The following SSBP2 variants were observed in gnomAD, a reference collection of about 807,000 sequenced individuals.
SSBP2 encodes the protein single stranded DNA binding protein 2, also known as single-stranded DNA-binding protein 2.
SSBP2 carries 17 observed loss-of-function variants against 61.8 expected under a neutral mutation model. That is an observed-to-expected ratio of 0.28 (90% CI 0.19 to 0.41). SSBP2 has a LOEUF of 0.41. Among genes scored for constraint, SSBP2 ranks in the 10% least tolerant of loss-of-function variants. The pLI is 1.00. For synonymous variants in SSBP2, 139 were observed against 141.3 expected (o/e 0.98, Z 0.12); for missense variants, 310 against 458.7 (o/e 0.68, Z 2.96).
At chr5:81,643,151 C>G (rs892032012) in intron 2 of SSBP2, among the ~76,000 whole-genome samples, 1 of 152,152 alleles carries the variant, frequency 6.6e-6, no homozygotes, top group Admixed American at 6.5e-5. Flanking sequence ...CTGCCTCTGG[C>G]TCCAAAAGTG....
chr5:81,582,719 G>A (rs192388488), intron 4 of SSBP2, among the ~76,000 whole-genome samples: 22 of 152,084 alleles, frequency 1.4e-4, no homozygotes, highest in East Asian at 5.8e-4. Flanking sequence ...TCTGCCTCCC[G>A]AGTAGCTGGG....
At chr5:81,722,397 GTT>G (rs202149161) in intron 1 of SSBP2, among the ~76,000 whole-genome samples, 1 of 136,432 alleles carries the variant, frequency 7.3e-6, no homozygotes, top group Admixed American at 7.2e-5. Flanking sequence ...GTATAATTTT[GTT>G]TTTTTTTTTT....
chr5:81,549,847 C>T (rs577531602), intron 4 of SSBP2, among the ~76,000 whole-genome samples: 11 of 152,178 alleles, frequency 7.2e-5, no homozygotes, highest in South Asian at 4.1e-4. Context: ...GATCATTTAT[C>T]GACTGCCTGT....
At chr5:81,633,715 C>T (rs1747946715) in intron 3 of SSBP2, among the ~76,000 whole-genome samples, 1 of 152,156 alleles carries the variant, frequency 6.6e-6, no homozygotes, top group Admixed American at 6.5e-5. Flanking sequence ...AACCAGATGC[C>T]TGCTCAACAT....
At chr5:81,467,291 G>A (rs1056364287) in intron 8 of SSBP2, among the ~76,000 whole-genome samples, 1 of 151,888 alleles carries the variant, frequency 6.6e-6, no homozygotes, top group Non-Finnish European at 1.5e-5. Context: ...ATTAAGGTAT[G>A]GCTGCAATTA....
chr5:81,471,451 A>C (rs1304555491), intron 8 of SSBP2, among the ~76,000 whole-genome samples: 1 of 151,914 alleles, frequency 6.6e-6, no homozygotes, highest in East Asian at 1.9e-4. Flanking sequence ...TACAAGCACA[A>C]AGTTTTTGTG....
chr5:81,751,064 C>A lies in SSBP2; in HGVS notation c.-22G>T. 1 of 1,575,832 alleles carries A rather than the reference C, an allele frequency of 6.3e-7. No individual in the cohort carries two copies. Among genetic ancestry groups the A allele is most frequent in the Non-Finnish European group, 8.6e-7 (1 of 1,160,808 alleles). ...ACATGCTTGTGCCGAGAGCAGCTCCCACTGTCACGCACCTGTCAACCCATC... is the reference window on the plus strand; with the variant it reads ...ACATGCTTGTGCCGAGAGCAGCTCCAACTGTCACGCACCTGTCAACCCATC... On this transcript the variant is annotated 5_prime_UTR_variant, in exon 1 of 17. Coordinates refer to ENST00000320672, the MANE Select transcript of SSBP2 (RefSeq NM_012446.5).
At position 81,415,922 on chromosome 5, in the gene SSBP2, A is replaced by AAAAAAAAAAAAAAAAAAAAAAAAAG. The variant is rs766994399; in HGVS notation, c.*4581_*4582insCTTTTTTTTTTTTTTTTTTTTTTTT. The AAAAAAAAAAAAAAAAAAAAAAAAAG allele has an allele frequency of 1.6e-4, 12 of 73,750 alleles. No individual in the cohort carries two copies. Among genetic ancestry groups the AAAAAAAAAAAAAAAAAAAAAAAAAG allele is most frequent in the African/African-American group, 1.6e-3 (11 of 6,786 alleles). The allele number at this position is 73,750 out of a possible 1,614,324, so 4.6% of individuals were successfully genotyped here. On this transcript the variant is annotated 3_prime_UTR_variant, in exon 17 of 17. Transcript: ENST00000320672. ...GCAAGATTCTGACTCAAAAAAAAAA[A>AAAAAAAAAAAAAAAAAAAAAAAAAG]AAAAAAAGAGGAAAACCTGATCAAG...
At chr5:81,555,641 T>C (rs1402311811) in intron 4 of SSBP2, among the ~76,000 whole-genome samples, 1 of 151,996 alleles carries the variant, frequency 6.6e-6, no homozygotes, top group Non-Finnish European at 1.5e-5. Context: ...CACAATAATA[T>C]ATGTTCATTG....
intron 1 of SSBP2, among the ~76,000 whole-genome samples, chr5:81,711,874 C>T (rs931171926): frequency 6.6e-6 from 1 of 151,744 alleles, no homozygotes; most frequent in African/African-American, 2.4e-5. Context: ...TTCTGTGCCT[C>T]GGTTTCCTCA....
chr5:81,643,497 C>A (rs537688483), intron 2 of SSBP2, among the ~76,000 whole-genome samples: 1 of 151,726 alleles, frequency 6.6e-6, no homozygotes, highest in Non-Finnish European at 1.5e-5. Flanking sequence ...ACTGTTCCCA[C>A]CAATTTTCTA....
chr5:81,542,731 T>C lies in SSBP2; in HGVS notation c.283-29014A>G, dbSNP rs138746899. Among the ~76,000 whole-genome samples, 581 of 151,580 alleles carry C rather than the reference T, an allele frequency of 3.8e-3. 1 individual carries two copies. The highest frequency in any genetic ancestry group is 0.013 in the African/African-American group (529 of 41,186). On this transcript the variant is annotated intron_variant, in intron 4 of 16. Coordinates refer to ENST00000320672, the MANE Select transcript of SSBP2 (RefSeq NM_012446.5). ...GAGGGAAGGACCAGGTGGGAGGTGA[T>C]TGGATCATGGGGTGGCTTCCCCTAT...
chr5:81,568,812 G>C (rs745916732), intron 4 of SSBP2, among the ~76,000 whole-genome samples: 15 of 152,184 alleles, frequency 9.9e-5, no homozygotes, highest in Admixed American at 6.5e-4. Context: ...TATTTGTCTT[G>C]TGTAAATGAT....
chr5:81,575,644 A>G (rs182656520), intron 4 of SSBP2, among the ~76,000 whole-genome samples: 1 of 152,324 alleles, frequency 6.6e-6, no homozygotes, highest in Non-Finnish European at 1.5e-5. Context: ...AGAAAATAGT[A>G]AAACCATAGA....
chr5:81,751,589 C>T (rs1757786765), upstream of SSBP2: 1 of 161,634 alleles, frequency 6.2e-6, no homozygotes, highest in Non-Finnish European at 1.4e-5. Context: ...ACGACAGAGC[C>T]ACGGCCTCAG....
At chr5:81,715,898 A>C (rs1429920095) in intron 1 of SSBP2, among the ~76,000 whole-genome samples, 1 of 152,054 alleles carries the variant, frequency 6.6e-6, no homozygotes, top group Non-Finnish European at 1.5e-5. Context: ...CTCTACAAAA[A>C]AATTTAAAAA....
chr5:81,581,400 C>T (rs1774635671), intron 4 of SSBP2, among the ~76,000 whole-genome samples: 1 of 152,176 alleles, frequency 6.6e-6, no homozygotes, highest in Admixed American at 6.6e-5. Flanking sequence ...AAATCTGTTA[C>T]TTTATACCTT....
At chr5:81,532,711 T>C (rs1171276704) in intron 4 of SSBP2, among the ~76,000 whole-genome samples, 1 of 151,854 alleles carries the variant, frequency 6.6e-6, no homozygotes, top group Non-Finnish European at 1.5e-5. Context: ...AGAATATACC[T>C]GCAAATATTA....
chr5:81,732,505 A>G (rs1756335490), intron 1 of SSBP2, among the ~76,000 whole-genome samples: 1 of 152,218 alleles, frequency 6.6e-6, no homozygotes, highest in Non-Finnish European at 1.5e-5. Flanking sequence ...CTCAAACTTA[A>G]TTTTTTTACC....
Sources: gnomAD v4.1 joint callset for allele counts (sites outside exome capture counted in the v4.1 genomes callset) on GRCh38, gnomAD v4.1.1 for gene constraint, MANE v1.5 for transcripts, NCBI Gene and HGNC (gene_info 2026-07-23, HGNC 2026-07-21) for gene names.